The following GPC5 variants were observed in gnomAD, a reference collection of about 807,000 sequenced individuals.
The protein encoded by GPC5 is glypican 5, also known as glypican-5.
A neutral mutation model predicts 53.9 loss-of-function variants in GPC5; 47 were observed. The ratio of observed to expected loss-of-function variants is 0.87; its 90% confidence interval spans 0.69 to 1.11. GPC5 has a LOEUF of 1.11. GPC5 is among the 50% of genes most tolerant of loss of function. GPC5 has a pLI of 0.00. For missense variants in GPC5, 748 were observed against 713.1 expected (o/e 1.05, Z -0.56); for synonymous variants, 286 against 263.3 (o/e 1.09, Z -0.84).
At chr13:92,664,672 G>T (rs892385671) in intron 7 of GPC5, among the ~76,000 whole-genome samples, 1 of 152,074 alleles carries the variant, frequency 6.6e-6, no homozygotes, top group Non-Finnish European at 1.5e-5. Context: ...AAATTTAGCT[G>T]TAAAACATTC....
Position 92,128,070 on chromosome 13 carries a change from A to C in GPC5, c.1402-16760A>C, listed in dbSNP as rs537577722. ...CTGAGATCAATCTTCCTCTCCTTTG[A>C]TATTTACCTTCTTTTAAAACCTACT... On this transcript the variant is annotated intron_variant, in intron 6 of 7. Transcript: ENST00000377067. 3.9e-5 allele frequency among the ~76,000 whole-genome samples: 6 copies of C among 152,074 alleles called. No homozygotes were observed. In the South Asian group the frequency reaches 6.2e-4, roughly 16 times the overall value.
chr13:91,661,389 G>A (rs2034984576), intron 2 of GPC5, among the ~76,000 whole-genome samples: 2 of 152,226 alleles, frequency 1.3e-5, no homozygotes, highest in African/African-American at 4.8e-5. Flanking sequence ...AGATGCCCCT[G>A]GGCATGTGGA....
chr13:91,680,147 C>T (rs1234640828), intron 2 of GPC5, among the ~76,000 whole-genome samples: 1 of 152,100 alleles, frequency 6.6e-6, no homozygotes, highest in Non-Finnish European at 1.5e-5. Flanking sequence ...TTGACAGTTT[C>T]CAGTACTTAA....
intron 7 of GPC5, among the ~76,000 whole-genome samples, chr13:92,863,362 A>C (rs1879241514): frequency 6.6e-6 from 1 of 152,168 alleles, no homozygotes; most frequent in Non-Finnish European, 1.5e-5. Context: ...CTGTTGTGAA[A>C]ATTAAATGAC....
chr13:91,726,090 G>T (rs1161359925), intron 3 of GPC5, among the ~76,000 whole-genome samples: 1 of 152,090 alleles, frequency 6.6e-6, no homozygotes, highest in Non-Finnish European at 1.5e-5. Context: ...CCTCATTTTT[G>T]TGAATAATTT....
At chr13:91,623,395 C>A (rs1269968403) in intron 2 of GPC5, among the ~76,000 whole-genome samples, 1 of 151,998 alleles carries the variant, frequency 6.6e-6, no homozygotes, top group Non-Finnish European at 1.5e-5. Context: ...GACCATGGTG[C>A]AACACACCAC....
chr13:92,137,055 A>G (rs937077782), intron 6 of GPC5, among the ~76,000 whole-genome samples: 1 of 151,530 alleles, frequency 6.6e-6, no homozygotes, highest in Non-Finnish European at 1.5e-5. Flanking sequence ...ACGTTCCGAA[A>G]GTTGTTTTTT....
intron 7 of GPC5, among the ~76,000 whole-genome samples, chr13:92,507,246 C>A (rs1880405944): frequency 6.6e-6 from 1 of 152,180 alleles, no homozygotes; most frequent in Non-Finnish European, 1.5e-5. Context: ...TTGAGTTTGC[C>A]TCTAATCTTA....
At chr13:92,827,739 C>G (rs1877901577) in intron 7 of GPC5, among the ~76,000 whole-genome samples, 1 of 152,068 alleles carries the variant, frequency 6.6e-6, no homozygotes, top group South Asian at 2.1e-4. Flanking sequence ...GCTGAAAGCC[C>G]TGATTGGGAA....
chr13:92,587,615 G>C (rs1429998814), intron 7 of GPC5, among the ~76,000 whole-genome samples: 1 of 152,158 alleles, frequency 6.6e-6, no homozygotes, highest in African/African-American at 2.4e-5. Flanking sequence ...AAGGAAAAGA[G>C]CATATCGTCT....
chr13:92,763,252 G>T (rs576085578), intron 7 of GPC5, among the ~76,000 whole-genome samples: 2 of 152,258 alleles, frequency 1.3e-5, no homozygotes, highest in South Asian at 4.1e-4. Context: ...TTTATAGAGT[G>T]TCCTTCACAT....
intron 7 of GPC5, chr13:92,701,577 A>T (rs1425803185): frequency 1.3e-5 from 2 of 152,136 alleles, no homozygotes; most frequent in African/African-American, 4.8e-5. Context: ...GGAGTGTATC[A>T]ATCCAGCTGC....
chr13:92,084,587 G>T (rs1469241188), intron 6 of GPC5, among the ~76,000 whole-genome samples: 1 of 152,130 alleles, frequency 6.6e-6, no homozygotes, highest in Non-Finnish European at 1.5e-5. Flanking sequence ...TCCTAGCTTT[G>T]CCAGTTAGCA....
chr13:92,857,312 T>C (rs1445894353), intron 7 of GPC5, among the ~76,000 whole-genome samples: 1 of 151,974 alleles, frequency 6.6e-6, no homozygotes, highest in Non-Finnish European at 1.5e-5. Flanking sequence ...TATACAAAAA[T>C]TAACCGAAAA....
intron 2 of GPC5, among the ~76,000 whole-genome samples, chr13:91,627,509 T>TCACTCTCC (rs987267183): frequency 1.3e-5 from 2 of 152,062 alleles, no homozygotes; most frequent in African/African-American, 4.8e-5. Flanking sequence ...ATTGTAATTG[T>TCACTCTCC]CACTCTCCAG....
At chr13:92,464,109 T>C (rs1257621567) in intron 7 of GPC5, among the ~76,000 whole-genome samples, 1 of 152,134 alleles carries the variant, frequency 6.6e-6, no homozygotes, top group Non-Finnish European at 1.5e-5. Context: ...CTTAAGAAGG[T>C]TAAATAACTC....
rs1210404198 is a variant in GPC5, at chr13:91,756,954, A to G, written c.1280+534A>G. Among the ~76,000 whole-genome samples, 6 of 152,020 alleles carry G rather than the reference A, an allele frequency of 3.9e-5. No individual in the cohort carries two copies. The East Asian group carries it at 1.2e-3, about 29-fold the overall frequency. ...TATGTAATAGTGGGGGCACTTTTAT[A>G]TATATATATATATCTGTTTGAGGCA... On this transcript the variant is annotated intron_variant, in intron 5 of 7. Coordinates refer to ENST00000377067, the MANE Select transcript of GPC5 (RefSeq NM_004466.6).
intron 7 of GPC5, among the ~76,000 whole-genome samples, chr13:92,626,390 C>T (rs1373953357): frequency 6.6e-6 from 1 of 152,014 alleles, no homozygotes; most frequent in East Asian, 1.9e-4. Flanking sequence ...GAGACGAACA[C>T]AGTCTAGAGG....
intron 5 of GPC5, among the ~76,000 whole-genome samples, chr13:91,800,017 TTC>T (rs1442741958): frequency 6.6e-6 from 1 of 152,236 alleles, no homozygotes; most frequent in East Asian, 1.9e-4. Flanking sequence ...CTAGTTTTTT[TTC>T]TTTTACATCT....
Sources: gnomAD v4.1 joint callset for allele counts (sites outside exome capture counted in the v4.1 genomes callset) on GRCh38, gnomAD v4.1.1 for gene constraint, MANE v1.5 for transcripts, NCBI Gene and HGNC (gene_info 2026-07-23, HGNC 2026-07-21) for gene names.